ADARB2: variants seen among roughly 807,000 people sequenced by gnomAD.
ADARB2 encodes inactive double-stranded RNA-specific editase B2.
A neutral mutation model predicts 62.2 loss-of-function variants in ADARB2; 25 were observed. The ratio of observed to expected loss-of-function variants is 0.40; its 90% confidence interval spans 0.29 to 0.56. ADARB2 has a LOEUF of 0.56. ADARB2 is among the 20% of genes least tolerant of loss of function. The pLI is 0.43. For synonymous variants in ADARB2, 572 were observed against 500.8 expected, an observed-to-expected ratio of 1.14 and a Z score of -1.90; for missense variants, 1,071 against 1,077.4, an observed-to-expected ratio of 0.99 and a Z score of 0.08.
intron 1 of ADARB2, among the ~76,000 whole-genome samples, chr10:1,433,351 C>T (rs146117478): frequency 2.8e-4 from 43 of 152,154 alleles, no homozygotes; most frequent in African/African-American, 8.9e-4. Flanking sequence ...GCAGGGAGGA[C>T]GTATGGTTTG....
chr10:1,611,138 G>A (rs1043600776), intron 1 of ADARB2, among the ~76,000 whole-genome samples: 2 of 152,180 alleles, frequency 1.3e-5, no homozygotes, highest in African/African-American at 4.8e-5. Flanking sequence ...AACCTTCCCC[G>A]TGGACCCGGC....
intron 1 of ADARB2, among the ~76,000 whole-genome samples, chr10:1,602,778 C>T (rs1447026335): frequency 6.6e-6 from 1 of 151,208 alleles, no homozygotes; most frequent in Non-Finnish European, 1.5e-5. Flanking sequence ...CACACATCCA[C>T]ATACATCCAC....
intron 8 of ADARB2, among the ~76,000 whole-genome samples, chr10:1,185,717 G>C (rs1836747333): frequency 6.6e-6 from 1 of 152,230 alleles, no homozygotes; most frequent in African/African-American, 2.4e-5. Flanking sequence ...TGTGTGAGCT[G>C]CAGGGCTGCA....
intron 4 of ADARB2, among the ~76,000 whole-genome samples, chr10:1,252,217 CTG>C (rs1257760226): frequency 6.6e-6 from 1 of 152,100 alleles, no homozygotes; most frequent in Non-Finnish European, 1.5e-5. Flanking sequence ...AAGAAGAAAA[CTG>C]AAAGTAAAAT....
At chr10:1,249,616 GCACACACA>G (rs58472524) in intron 4 of ADARB2, among the ~76,000 whole-genome samples, 24 of 147,450 alleles carry the variant, frequency 1.6e-4, no homozygotes, top group Middle Eastern at 3.6e-3. Context: ...GTGATTTTAT[GCACACACA>G]CACACACACA....
chr10:1,389,748 AAAATAAATAAAT>A (rs141695100), intron 1 of ADARB2, among the ~76,000 whole-genome samples: 130 of 146,464 alleles, frequency 8.9e-4, no homozygotes, highest in African/African-American at 2.7e-3. Flanking sequence ...CTCTGACTCA[AAAATAAATAAAT>A]AAATAAATAA....
intron 1 of ADARB2, among the ~76,000 whole-genome samples, chr10:1,402,288 C>T (rs561482666): frequency 2.6e-5 from 4 of 152,176 alleles, no homozygotes; most frequent in African/African-American, 7.2e-5. Flanking sequence ...AGGGGTAGGG[C>T]GCCTTCTAAA....
At chr10:1,598,135 T>C (rs1588317299) in intron 1 of ADARB2, among the ~76,000 whole-genome samples, 1 of 152,004 alleles carries the variant, frequency 6.6e-6, no homozygotes, top group Admixed American at 6.6e-5. Flanking sequence ...AGGGCAGAGG[T>C]GGGGGCATGA....
intron 1 of ADARB2, among the ~76,000 whole-genome samples, chr10:1,627,597 G>A (rs894103649): frequency 2.0e-5 from 3 of 152,102 alleles, no homozygotes; most frequent in Admixed American, 6.5e-5. Flanking sequence ...GACATCTAAC[G>A]TTCCTAGATT....
chr10:1,621,352 GTTACAT>G (rs1833702066), intron 1 of ADARB2, among the ~76,000 whole-genome samples: 1 of 151,428 alleles, frequency 6.6e-6, no homozygotes, highest in East Asian at 1.9e-4. Context: ...CAAGAACATT[GTTACAT>G]TTACAAGAGC....
intron 2 of ADARB2, among the ~76,000 whole-genome samples, chr10:1,366,389 C>T (rs529013716): frequency 6.6e-6 from 1 of 152,192 alleles, no homozygotes; most frequent in Non-Finnish European, 1.5e-5. Context: ...CCATACTACC[C>T]TCGCTGGTGA....
At chr10:1,562,676 G>C (rs1162193650) in intron 1 of ADARB2, among the ~76,000 whole-genome samples, 3 of 152,220 alleles carry the variant, frequency 2.0e-5, no homozygotes, top group Admixed American at 2.0e-4. Context: ...GCTGGCCCTC[G>C]GCATTGGGCT....
chr10:1,318,815 G>A (rs1289963615), intron 3 of ADARB2, among the ~76,000 whole-genome samples: 1 of 152,172 alleles, frequency 6.6e-6, no homozygotes, highest in East Asian at 1.9e-4. Flanking sequence ...CATCTCCACT[G>A]GAGAAAGCAT....
chr10:1,369,445 C>T (rs1251072332), intron 2 of ADARB2, among the ~76,000 whole-genome samples: 1 of 152,086 alleles, frequency 6.6e-6, no homozygotes, highest in Non-Finnish European at 1.5e-5. Context: ...GGAAGTTACC[C>T]CCTGGATTGT....
Position 1,233,861 on chromosome 10 carries a change from G to A in ADARB2, c.1362-16C>T. On this transcript the variant is annotated splice_polypyrimidine_tract_variant and intron_variant, in intron 5 of 9. Transcript: ENST00000381312. ...GCGCCGCTTGCTAGGGTCACAAAGA[G>A]GTTTGGGGTCATTTATCACAAACCA... The A allele has an allele frequency of 1.9e-6, 3 of 1,608,588 alleles. No homozygotes were observed. Among genetic ancestry groups the A allele is most frequent in the African/African-American group, 2.7e-5 (2 of 74,846 alleles).
At chr10:1,324,707 G>T (rs1414744049) in intron 3 of ADARB2, among the ~76,000 whole-genome samples, 1 of 152,176 alleles carries the variant, frequency 6.6e-6, no homozygotes, top group African/African-American at 2.4e-5. Context: ...GAACAGACCA[G>T]TGGCCACCAG....
intron 6 of ADARB2, among the ~76,000 whole-genome samples, chr10:1,225,318 A>T (rs1188360153): frequency 6.6e-6 from 1 of 151,942 alleles, no homozygotes; most frequent in Non-Finnish European, 1.5e-5. Flanking sequence ...TGCAGCTGAG[A>T]TGGGTTTCCT....
intron 4 of ADARB2, among the ~76,000 whole-genome samples, chr10:1,246,819 G>A (rs956014119): frequency 9.9e-5 from 15 of 151,472 alleles, no homozygotes; most frequent in East Asian, 1.9e-4. Context: ...TTGGTGATGC[G>A]GGCTCTTTTT....
At chr10:1,408,737 C>T (rs1429380423) in intron 1 of ADARB2, among the ~76,000 whole-genome samples, 1 of 152,200 alleles carries the variant, frequency 6.6e-6, no homozygotes, top group Non-Finnish European at 1.5e-5. Context: ...CCTTTGTTCA[C>T]TGGGCTCTGG....
Sources: allele counts gnomAD v4.1 joint callset (sites outside exome capture counted in the v4.1 genomes callset), GRCh38; gene constraint gnomAD v4.1.1; transcripts MANE v1.5; gene names NCBI Gene and HGNC (gene_info 2026-07-23, HGNC 2026-07-21).